NDUFA10: variants seen among roughly 807,000 people sequenced by gnomAD.
NDUFA10 encodes NADH dehydrogenase [ubiquinone] 1 alpha subcomplex subunit 10, mitochondrial.
A neutral mutation model predicts 47.8 loss-of-function variants in NDUFA10; 40 were observed. The observed-to-expected ratio is 0.84, with a 90% CI of 0.65 to 1.09. The LOEUF (loss-of-function observed/expected upper bound fraction) is 1.09. NDUFA10 is among the 50% of genes least tolerant of loss of function. The probability of loss-of-function intolerance (pLI) is 0.00; values close to 1 mark genes in which losing one functional copy is unlikely to be tolerated. For synonymous variants in NDUFA10, 183 were observed against 172.2 expected, an observed-to-expected ratio of 1.06 and a Z score of -0.49; for missense variants, 413 against 451.1, an observed-to-expected ratio of 0.92 and a Z score of 0.76.
chr2:240,005,335 T>C (rs1173116723), intron 7 of NDUFA10, 40 bp from the exon 8 acceptor site: 2 of 1,519,712 alleles, frequency 1.3e-6, no homozygotes, highest in East Asian at 4.5e-5. Flanking sequence ...GAGAACCCCA[T>C]TTTAGAAATT....
chr2:239,899,074 A>AGGGGTGTGG (rs1693472462), intron 4 of NDUFA10, among the ~76,000 whole-genome samples: 1 of 15,124 alleles, frequency 6.6e-5, no homozygotes, highest in Non-Finnish European at 1.4e-4. Context: ...GAGGGGTGTG[A>AGGGGTGTGG]TGGAGGAGTG....
chr2:239,912,386 G>T (rs774900059), intron 4 of NDUFA10, among the ~76,000 whole-genome samples: 1 of 152,156 alleles, frequency 6.6e-6, no homozygotes, highest in Admixed American at 6.5e-5. Context: ...TCCTCCTGCC[G>T]CCCCTGCCAA....
chr2:239,969,451 T>C (rs2106406289), intron 9 of NDUFA10: 2 of 204,276 alleles, frequency 9.8e-6, no homozygotes, highest in African/African-American at 6.5e-5. Flanking sequence ...CCTCAGGATC[T>C]GCTGCCTGTT....
At chr2:239,979,410 C>T (rs763400889) in intron 9 of NDUFA10, among the ~76,000 whole-genome samples, 2 of 152,174 alleles carry the variant, frequency 1.3e-5, no homozygotes, top group Non-Finnish European at 2.9e-5. Context: ...CTCCACCGTC[C>T]GGTGAGGAAA....
intron 8 of NDUFA10, among the ~76,000 whole-genome samples, chr2:240,001,060 C>T (rs1203067804): frequency 6.6e-6 from 1 of 152,228 alleles, no homozygotes; most frequent in Non-Finnish European, 1.5e-5. Context: ...TCAGCTCTCC[C>T]ACCAAGGGGC....
At chr2:239,935,184 C>T (rs779436584) in intron 4 of NDUFA10, among the ~76,000 whole-genome samples, 15 of 152,220 alleles carry the variant, frequency 9.9e-5, no homozygotes, top group Non-Finnish European at 2.1e-4. Flanking sequence ...CCAGCCCTGC[C>T]CTGCAGGACC....
chr2:239,959,379 CAA>C lies in NDUFA10; in HGVS notation c.*1737_*1738del, dbSNP rs1450616123. 1.0e-6 allele frequency: 1 copy of C among 985,494 alleles called. No homozygotes were observed. Among genetic ancestry groups the C allele is most frequent in the East Asian group, 1.1e-4 (1 of 8,816 alleles). 61.0% of individuals were successfully genotyped at this position (985,494 alleles called of 1,614,324 possible). ...AAGGAAACAGCTAGCTCTTTGCAGCCAAAGACATTAGGAACAGCTAAGATAAT... is the reference window on the plus strand; with the variant it reads ...AAGGAAACAGCTAGCTCTTTGCAGCCAGACATTAGGAACAGCTAAGATAAT... On this transcript the variant is annotated 3_prime_UTR_variant, in exon 10 of 10. Transcript: ENST00000252711.
chr2:239,931,506 G>A (rs1367644221), intron 4 of NDUFA10, among the ~76,000 whole-genome samples: 3 of 151,956 alleles, frequency 2.0e-5, no homozygotes, highest in African/African-American at 4.8e-5. Context: ...CACTCGCCTC[G>A]CCACAGCGTC....
At chr2:239,916,073 G>A (rs1466448093) in intron 4 of NDUFA10, among the ~76,000 whole-genome samples, 1 of 126,142 alleles carries the variant, frequency 7.9e-6, no homozygotes, top group African/African-American at 3.4e-5. Context: ...TACATACTCA[G>A]ACACAAAGAT....
chr2:239,983,776 A>T, intron 9 of NDUFA10: 5 of 1,523,306 alleles, frequency 3.3e-6, no homozygotes, highest in Non-Finnish European at 4.4e-6. Flanking sequence ...CCTCACCAGC[A>T]CTCCTTATTA....
In NDUFA10 at chr2:240,002,137, C is replaced by T. The variant is rs987408247; in HGVS notation, c.890+3073G>A. ...CTGAGGTCAGGAGTTCAAGACCAGT[C>T]TGCCCAACATGGCGAAACCCTGTCT... On this transcript the variant is annotated intron_variant, in intron 8 of 9. Transcript: ENST00000252711. 1.5e-4 allele frequency among the ~76,000 whole-genome samples: 23 copies of T among 152,226 alleles called. 1 individual carries two copies. The highest frequency in any genetic ancestry group is 1.2e-3 in the Admixed American group (19 of 15,288).
intron 4 of NDUFA10, among the ~76,000 whole-genome samples, chr2:239,942,676 C>T (rs981877317): frequency 2.0e-5 from 3 of 151,928 alleles, no homozygotes; most frequent in Non-Finnish European, 4.4e-5. Context: ...GTTTATCTTG[C>T]GCATGCTGTG....
chr2:239,976,289 C>T (rs1046407975), intron 9 of NDUFA10, among the ~76,000 whole-genome samples: 2 of 152,192 alleles, frequency 1.3e-5, no homozygotes, highest in Admixed American at 6.5e-5. Context: ...ACGGTCCACC[C>T]TGAGACCCTG....
At chr2:239,940,435 G>T (rs1694341926) in intron 4 of NDUFA10, among the ~76,000 whole-genome samples, 1 of 152,260 alleles carries the variant, frequency 6.6e-6, no homozygotes, top group Admixed American at 6.5e-5. Context: ...ATTGCTGGAA[G>T]TACGCTCTGA....
intron 9 of NDUFA10, among the ~76,000 whole-genome samples, chr2:239,981,859 A>T (rs776965560): frequency 6.6e-6 from 1 of 151,988 alleles, no homozygotes; most frequent in Non-Finnish European, 1.5e-5. Context: ...AGAAATTCTC[A>T]TGTTAATGGC....
chr2:240,013,594 CAAT>C (rs1697222237), intron 5 of NDUFA10: 1 of 152,188 alleles, frequency 6.6e-6, no homozygotes, highest in Admixed American at 6.5e-5. Flanking sequence ...TATGCTTAAA[CAAT>C]AAAAGTTCCA....
chr2:239,938,291 T>A (rs6752251), intron 4 of NDUFA10, among the ~76,000 whole-genome samples: 1 of 151,966 alleles, frequency 6.6e-6, no homozygotes, highest in East Asian at 1.9e-4. Context: ...TACAGACACC[T>A]GCTGTCCAGG....
At chr2:240,007,529 G>C (rs1253981061) in intron 6 of NDUFA10, among the ~76,000 whole-genome samples, 159 bp from the exon 7 acceptor site, 1 of 152,238 alleles carries the variant, frequency 6.6e-6, no homozygotes. Flanking sequence ...ATTAGAGCTT[G>C]ACTGGTTCAG....
At chr2:239,911,531 T>G (rs1387180195) in intron 4 of NDUFA10, among the ~76,000 whole-genome samples, 4 of 152,196 alleles carry the variant, frequency 2.6e-5, no homozygotes, top group African/African-American at 9.7e-5. Flanking sequence ...ACCCTGAGCC[T>G]TCCACTGGTT....
Sources: allele counts gnomAD v4.1 joint callset (sites outside exome capture counted in the v4.1 genomes callset), GRCh38; gene constraint gnomAD v4.1.1; transcripts MANE v1.5; gene names NCBI Gene and HGNC (gene_info 2026-07-23, HGNC 2026-07-21).